Variants in TSR1 observed in about 807,000 individuals in gnomAD.
The protein encoded by TSR1 is TSR1 ribosome maturation factor.
In TSR1, 81 loss-of-function variants were observed where a neutral mutation model predicts 90.9. That is an observed-to-expected ratio of 0.89 (90% CI 0.74 to 1.07). The LOEUF (loss-of-function observed/expected upper bound fraction) is 1.07, where lower values mean the gene tolerates loss of function less well. Ranked by LOEUF, TSR1 falls within the 50% of genes least tolerant of loss-of-function variation. TSR1 has a pLI of 0.00. For missense variants in TSR1, 989 were observed against 987.3 expected, an observed-to-expected ratio of 1.00 and a Z score of -0.02; for synonymous variants, 362 against 348.8, an observed-to-expected ratio of 1.04 and a Z score of -0.42.
chr17:2,322,854 T>TC lies in TSR1; in HGVS notation c.*1341dup, dbSNP rs1305503860. The TC allele has an allele frequency of 5.1e-6, 2 of 389,266 alleles. No individual in the cohort carries two copies. Among genetic ancestry groups the TC allele is most frequent in the Non-Finnish European group, 9.8e-6 (2 of 204,986 alleles). 24.1% of individuals were successfully genotyped at this position (389,266 alleles called of 1,614,324 possible). A position where few individuals can be genotyped will look rare whatever the true frequency, so the allele number is the denominator to read the frequency against. ...ATCTCAGCTCACTGCAACCTACCCC[T>TC]CCCAAGTTCAAGTGATTCTCCTACC... On this transcript the variant is annotated 3_prime_UTR_variant, in exon 15 of 15. Transcript: ENST00000301364.
At chr17:2,330,736 C>A (rs933908859) in intron 9 of TSR1, 111 bp from the exon 10 acceptor site, 8 of 1,217,138 alleles carry the variant, frequency 6.6e-6, no homozygotes, top group Non-Finnish European at 8.1e-6. Flanking sequence ...TAAAGCCAAC[C>A]CTCATCCTTC....
intron 11 of TSR1, 142 bp from the exon 12 acceptor site, chr17:2,325,562 C>T (rs1232791892): frequency 1.3e-5 from 8 of 614,882 alleles, no homozygotes; most frequent in Non-Finnish European, 2.0e-5. Flanking sequence ...CAAAAATTTT[C>T]GCTGCCTCAA....
chr17:2,332,967 T>G lies in TSR1; in HGVS notation c.1299A>C (p.Glu433Asp). The change falls in exon 7 of 15, where the codon GAA becomes GAC. Residue 433 changes from glutamate to aspartate, a missense_variant. Glu to Asp is a conservative substitution (Grantham distance 45). Transcript: ENST00000301364. ...DMEHEDFMEE[E>D]SQDESSEEEE... Reference sequence around the variant, plus strand: ...TAAGGCCTCATTTCCTTACCTGAGATTCCTCCTCCATAAAATCCTCATGTT... The same window carrying G: ...TAAGGCCTCATTTCCTTACCTGAGAGTCCTCCTCCATAAAATCCTCATGTT... 3.7e-6 allele frequency: 6 copies of G among 1,613,570 alleles called. No individual in the cohort carries two copies. The highest frequency in any genetic ancestry group is 3.4e-6 in the Non-Finnish European group (4 of 1,179,678).
At chr17:2,330,773 CT>C in intron 9 of TSR1, 148 bp from the exon 10 acceptor site, 1 of 1,114,070 alleles carries the variant, frequency 9.0e-7, no homozygotes, top group Non-Finnish European at 1.3e-6. Flanking sequence ...CCAGATCACA[CT>C]TTTTCATTTA....
Position 2,335,666 on chromosome 17 carries a change from GGC to G in TSR1, c.264_265del (p.Leu90AlafsTer16). 1 of 1,614,056 alleles carries G rather than the reference GGC, an allele frequency of 6.2e-7. No homozygotes were observed. Among genetic ancestry groups the G allele is most frequent in the Non-Finnish European group, 8.5e-7 (1 of 1,180,024 alleles). On this transcript the variant is annotated frameshift_variant, in exon 3 of 15. Coordinates refer to ENST00000301364, the MANE Select transcript of TSR1 (RefSeq NM_018128.5). LOFTEE classifies it high-confidence loss of function. ...TGGCAGGGAAATTCTGCTGTGCAGG[GGC>G]ACCACCAGTACCTGATGAGGAGGGC...
rs1480555303 is a variant in TSR1 at position 2,324,346 on chromosome 17, A to C, written c.2265T>G (p.Phe755Leu). The change falls in exon 15 of 15, where the codon TTT becomes TTG. Residue 755 changes from phenylalanine (F) to leucine (L), a missense_variant. Phe to Leu is a conservative substitution (Grantham distance 22, BLOSUM62 0). Transcript: ENST00000301364. ...TGTCTTGAGATTTTAGCTTCCCATCAAAGCTGCATTTCATGTGGCCATGGG... is the reference window on the plus strand; with the variant it reads ...TGTCTTGAGATTTTAGCTTCCCATCCAAGCTGCATTTCATGTGGCCATGGG... ...LGTHGHMKCS[F>L]DGKLKSQDTV... 2 of 1,563,696 alleles carry C rather than the reference A, an allele frequency of 1.3e-6. No homozygotes were observed. The highest frequency in any genetic ancestry group is 1.7e-6 in the Non-Finnish European group (2 of 1,158,808).
intron 5 of TSR1, 57 bp from the exon 6 acceptor site, chr17:2,333,773 C>T: frequency 2.5e-6 from 4 of 1,602,718 alleles, no homozygotes; most frequent in Non-Finnish European, 3.4e-6. Flanking sequence ...CTAAATCTAA[C>T]ACAGTAACCA....
chr17:2,330,413 C>T, intron 10 of TSR1, 102 bp downstream of exon 10: 1 of 1,022,852 alleles, frequency 9.8e-7, no homozygotes, highest in Non-Finnish European at 1.6e-6. Flanking sequence ...TTTTTGCATC[C>T]CAATGAGCAA....
chr17:2,335,759 C>T (rs752769611), intron 2 of TSR1, 29 bp from the exon 3 acceptor site: 1 of 1,598,488 alleles, frequency 6.3e-7, no homozygotes, highest in Admixed American at 1.7e-5. Flanking sequence ...CCGAGAACAT[C>T]TCAGTGTCTC....
intron 11 of TSR1, among the ~76,000 whole-genome samples, chr17:2,328,241 C>CAAAA (rs34888941): frequency 1.4e-5 from 1 of 72,350 alleles, no homozygotes; most frequent in Non-Finnish European, 2.7e-5. Context: ...GACTCGGTCT[C>CAAAA]AAAAAAAAAA....
In TSR1 at chr17:2,324,412, T is replaced by C; in HGVS notation, c.2237-38A>G. 2.5e-6 allele frequency: 4 copies of C among 1,599,958 alleles called. 1 individual carries two copies. The highest frequency in any genetic ancestry group is 2.3e-5 in the South Asian group (2 of 88,858). Reference sequence around the variant, plus strand: ...CAGAACAAGTCGGTCAAATTAAAAGTAGAAAATTTTAAAGCAATGACTTCC... The same window carrying C: ...CAGAACAAGTCGGTCAAATTAAAAGCAGAAAATTTTAAAGCAATGACTTCC... On this transcript the variant is annotated intron_variant, in intron 14 of 14. Coordinates refer to ENST00000301364, the MANE Select transcript of TSR1 (RefSeq NM_018128.5).
Position 2,336,315 on chromosome 17 carries a change from T to C in TSR1, c.97+16A>G, listed in dbSNP as rs755832981. 1.2e-6 allele frequency: 2 copies of C among 1,614,206 alleles called. No individual in the cohort carries two copies. Among genetic ancestry groups the C allele is most frequent in the East Asian group, 2.2e-5 (1 of 44,892 alleles). On this transcript the variant is annotated intron_variant, in intron 1 of 14. Coordinates refer to ENST00000301364, the MANE Select transcript of TSR1 (RefSeq NM_018128.5). ...ACGGCCAAATAGCCCTTATTCCTTC[T>C]ACGTTATCTCCTTACCCTTGCCGTC...
chr17:2,328,351 A>G (rs997181055), intron 11 of TSR1, among the ~76,000 whole-genome samples: 6 of 151,242 alleles, frequency 4.0e-5, no homozygotes, highest in African/African-American at 1.5e-4. Flanking sequence ...GTTCAAAACC[A>G]GCCTGAACTC....
At chr17:2,335,874 GA>G in intron 2 of TSR1, 144 bp from the exon 3 acceptor site, 1 of 1,257,394 alleles carries the variant, frequency 8.0e-7, no homozygotes, top group Non-Finnish European at 1.1e-6. Flanking sequence ...GGGGTGGCAG[GA>G]ATTCTGACCA....
chr17:2,329,238 C>A lies in TSR1; in HGVS notation c.1903+105G>T, dbSNP rs774359967. 3 of 1,535,066 alleles carry A rather than the reference C, an allele frequency of 2.0e-6. No homozygotes were observed. The Admixed American group carries it at 5.0e-5, about 26-fold the overall frequency. ...GCCAGAGTACTGAAAATACCTCTAA[C>A]CCAGAGATGTAAGATTTTGAAACCA... is the stretch of plus-strand genomic sequence containing the variant. On this transcript the variant is annotated intron_variant, in intron 11 of 14. Transcript: ENST00000301364.
At chr17:2,330,776 T>G in intron 9 of TSR1, 151 bp from the exon 10 acceptor site, 1 of 1,118,728 alleles carries the variant, frequency 8.9e-7, no homozygotes, top group Non-Finnish European at 1.3e-6. Flanking sequence ...GATCACACTT[T>G]TTCATTTAAC....
At chr17:2,329,527 G>T in intron 10 of TSR1, 52 bp from the exon 11 acceptor site, 5 of 1,600,158 alleles carry the variant, frequency 3.1e-6, no homozygotes, top group Non-Finnish European at 4.3e-6. Context: ...GAATACAATT[G>T]CCTAAACTGA....
In TSR1 at chr17:2,324,277, A is replaced by C; in HGVS notation, c.2334T>G (p.Thr778=). 6.4e-7 allele frequency: 1 copy of C among 1,554,976 alleles called. No individual in the cohort carries two copies. Among genetic ancestry groups the C allele is most frequent in the Non-Finnish European group, 8.6e-7 (1 of 1,156,128 alleles). The stretch of plus-strand genomic sequence containing the variant: ...CTGGTTCTGGTACATATGGATCATA[A>C]GTCCATTTGGGGAAGACTCGTTTAT... ...NLYKRVFPKW[T]YDPYVPEPVP... is the part of the protein sequence containing the mutation. The change falls in exon 15 of 15, where the codon ACT becomes ACG. Residue 778 remains threonine, a synonymous_variant. Transcript: ENST00000301364.
chr17:2,333,103 T>G lies in TSR1; in HGVS notation c.1163A>C (p.Lys388Thr), dbSNP rs548412057. ...EAKDFLKESS[K>T]VVKKVPKGTS... is the part of the protein sequence containing the mutation. ...TCCTTTGGGGACCTTCTTTACCACC[T>G]TAGAACTTTCCTTCAAGAAATCTGT... The change falls in exon 7 of 15, where the codon AAG (lysine) becomes ACG (threonine). Residue 388 changes from lysine to threonine, a missense_variant. Physicochemically the swap from Lys to Thr is moderately conservative, Grantham distance 78. Coordinates refer to ENST00000301364, the MANE Select transcript of TSR1 (RefSeq NM_018128.5). The G allele has an allele frequency of 3.1e-6, 5 of 1,613,604 alleles. No individual in the cohort carries two copies. In the African/African-American group the frequency reaches 6.7e-5, roughly 22 times the overall value.
Sources: allele counts gnomAD v4.1 joint callset (sites outside exome capture counted in the v4.1 genomes callset), GRCh38; gene constraint gnomAD v4.1.1; transcripts MANE v1.5; gene names NCBI Gene and HGNC (gene_info 2026-07-23, HGNC 2026-07-21).